WDR11: variants seen among roughly 807,000 people sequenced by gnomAD.
The protein encoded by WDR11 is WD repeat-containing protein 11.
Under a neutral mutation model 151.2 loss-of-function variants are expected in WDR11, and 83 were observed. The ratio of observed to expected loss-of-function variants is 0.55; its 90% CI spans 0.46 to 0.66. The LOEUF is 0.66. Ranked by LOEUF, WDR11 falls within the 30% of genes least tolerant of loss-of-function variation. The pLI is 0.00. For missense variants in WDR11, 1,301 were observed against 1,480.9 expected (o/e 0.88, Z 1.99); for synonymous variants, 484 against 533.1 (o/e 0.91, Z 1.27).
chr10:120,874,190 T>TGTTGTTGTTG (rs1554854854), intron 11 of WDR11, among the ~76,000 whole-genome samples: 3 of 105,104 alleles, frequency 2.9e-5, no homozygotes, highest in Non-Finnish European at 5.8e-5. Flanking sequence ...TTTTTTTTTT[T>TGTTGTTGTTG]TTGTTGTTGT....
intron 2 of WDR11, among the ~76,000 whole-genome samples, chr10:120,855,671 T>C (rs1845921866): frequency 6.6e-6 from 1 of 152,182 alleles, no homozygotes; most frequent in Non-Finnish European, 1.5e-5. Context: ...ATATATGATG[T>C]GAAATAGGGA....
intron 11 of WDR11, among the ~76,000 whole-genome samples, 179 bp downstream of exon 11, chr10:120,874,102 G>A (rs1268392297): frequency 6.6e-6 from 1 of 151,450 alleles, no homozygotes; most frequent in Non-Finnish European, 1.5e-5. Flanking sequence ...ATTCTTTGCT[G>A]TGTAAAGAAC....
In WDR11 at chr10:120,878,432, G is replaced by GAACTTC. The variant is rs1164062173; in HGVS notation, c.1641_1646dup (p.Gln548_Leu549dup). 1 of 1,613,212 alleles carries GAACTTC rather than the reference G, an allele frequency of 6.2e-7. No homozygotes were observed. The highest frequency in any genetic ancestry group is 8.5e-7 in the Non-Finnish European group (1 of 1,179,524). ...AAACAATATGGGATTAGTGAGAAAT[G>GAACTTC]AACTTCAACTGGTTGATCTTCCAAC... On this transcript the variant is annotated inframe_insertion, in exon 12 of 29. Coordinates refer to ENST00000263461, the MANE Select transcript of WDR11 (RefSeq NM_018117.12).
chr10:120,905,826 C>G, intron 26 of WDR11, 50 bp from the exon 27 acceptor site: 1 of 1,613,938 alleles, frequency 6.2e-7, no homozygotes, highest in Non-Finnish European at 8.5e-7. Context: ...ATTATTTTTT[C>G]TTTATAGAGT....
At chr10:120,886,206 C>T (rs1381395456) in intron 15 of WDR11, among the ~76,000 whole-genome samples, 1 of 152,056 alleles carries the variant, frequency 6.6e-6, no homozygotes, top group Admixed American at 6.6e-5. Context: ...TTCCGAGTGC[C>T]CTTCTACTCC....
At chr10:120,861,991 T>G (rs537149144) in intron 4 of WDR11, among the ~76,000 whole-genome samples, 1 of 152,312 alleles carries the variant, frequency 6.6e-6, no homozygotes, top group Admixed American at 6.5e-5. Context: ...ATATTTAGAC[T>G]GAGTAGCTCA....
intron 3 of WDR11, 43 bp downstream of exon 3, chr10:120,858,839 TAC>T (rs1846035411): frequency 6.2e-7 from 1 of 1,612,810 alleles, no homozygotes; most frequent in South Asian, 1.1e-5. Context: ...TTGATACACT[TAC>T]TCTTGGAGTG....
At chr10:120,889,605 C>G in intron 17 of WDR11, 1 of 456,138 alleles carries the variant, frequency 2.2e-6, no homozygotes, top group South Asian at 2.2e-5. Flanking sequence ...TCAGTAAACT[C>G]GTGGAGGTGT....
intron 27 of WDR11, 188 bp downstream of exon 27, chr10:120,906,209 G>A: frequency 6.8e-7 from 1 of 1,473,862 alleles, no homozygotes; most frequent in Non-Finnish European, 8.9e-7. Context: ...TTCGGTCTAG[G>A]AGCTATGCTA....
intron 1 of WDR11, chr10:120,852,270 T>G: frequency 2.3e-6 from 1 of 437,732 alleles, no homozygotes; most frequent in Non-Finnish European, 4.2e-6. Context: ...AGTTCCTTTT[T>G]ATGTCCTCGG....
At chr10:120,908,257 C>T in intron 28 of WDR11, 1 of 266,870 alleles carries the variant, frequency 3.7e-6, no homozygotes, top group Non-Finnish European at 6.9e-6. Context: ...ATCTTCCAAT[C>T]TTCAGTTGAG....
rs142668800 is a variant in WDR11 at position 120,861,181 on chromosome 10, G to A, written c.526+899G>A. 5.3e-5 allele frequency among the ~76,000 whole-genome samples: 8 copies of A among 152,244 alleles called. No homozygotes were observed. In the East Asian group the frequency reaches 1.2e-3, roughly 22 times the overall value. On this transcript the variant is annotated intron_variant, in intron 4 of 28. Coordinates refer to ENST00000263461, the MANE Select transcript of WDR11 (RefSeq NM_018117.12). ...AGCTATGGTAAGGAATGTTTTTCCT[G>A]GATTTGAATGACTCAAAATTGTTTT...
chr10:120,880,719 C>A, intron 12 of WDR11, 107 bp from the exon 13 acceptor site: 2 of 956,636 alleles, frequency 2.1e-6, no homozygotes, highest in East Asian at 2.7e-5. Context: ...AATAGGAGAA[C>A]AGAGGGTAGG....
chr10:120,886,624 T>C, intron 15 of WDR11, 65 bp from the exon 16 acceptor site: 1 of 1,583,302 alleles, frequency 6.3e-7, no homozygotes, highest in Non-Finnish European at 8.6e-7. Flanking sequence ...GGCAAGTTAA[T>C]TAATTATGAG....
chr10:120,892,073 T>C (rs1028216522), intron 19 of WDR11, among the ~76,000 whole-genome samples: 4 of 152,248 alleles, frequency 2.6e-5, no homozygotes, highest in Non-Finnish European at 5.9e-5. Flanking sequence ...TTACTAATTC[T>C]AGATAAAGAA....
At chr10:120,874,047 T>C in intron 11 of WDR11, 124 bp downstream of exon 11, 1 of 692,632 alleles carries the variant, frequency 1.4e-6, no homozygotes, top group Non-Finnish European at 2.6e-6. Flanking sequence ...GTTTGAATAA[T>C]ATTCATGTCC....
intron 19 of WDR11, among the ~76,000 whole-genome samples, chr10:120,892,428 C>A (rs1010599936): frequency 1.3e-5 from 2 of 152,102 alleles, no homozygotes; most frequent in Non-Finnish European, 2.9e-5. Flanking sequence ...TTCAGAACAA[C>A]CCTTAATAAA....
In WDR11 at chr10:120,886,051, A is replaced by G. The variant is rs940299761; in HGVS notation, c.1973+113A>G. ...GTAGCAAGTTGGACTCTGCTTTTGA[A>G]CATACTTAGTTTCATCTTTCAGTAC... On this transcript the variant is annotated intron_variant, in intron 15 of 28. Coordinates refer to ENST00000263461, the MANE Select transcript of WDR11 (RefSeq NM_018117.12). The G allele has an allele frequency of 1.1e-4, 154 of 1,388,494 alleles. 1 individual carries two copies. The highest frequency in any genetic ancestry group is 1.3e-4 in the Admixed American group (7 of 53,302). 86.0% of individuals were successfully genotyped at this position (1,388,494 alleles called of 1,614,324 possible). A position where few individuals can be genotyped will look rare whatever the true frequency, so the allele number is the denominator to read the frequency against.
Position 120,909,233 on chromosome 10 carries a change from A to C in WDR11, c.*520A>C. On this transcript the variant is annotated 3_prime_UTR_variant, in exon 29 of 29. Coordinates refer to ENST00000263461, the MANE Select transcript of WDR11 (RefSeq NM_018117.12). ...TGTTTTCTTACCTTGAAAACACAGA[A>C]CCGTTAATTCCTTGGTTTAAGCAGT... 1 of 159,210 alleles carries C rather than the reference A, an allele frequency of 6.3e-6. No individual in the cohort carries two copies. Among genetic ancestry groups the C allele is most frequent in the Admixed American group, 6.0e-5 (1 of 16,692 alleles). The allele number at this position is 159,210 out of a possible 1,614,324, so 9.9% of individuals were successfully genotyped here.
Sources: gnomAD v4.1 joint callset for allele counts (sites outside exome capture counted in the v4.1 genomes callset) on GRCh38, gnomAD v4.1.1 for gene constraint, MANE v1.5 for transcripts, NCBI Gene and HGNC (gene_info 2026-07-23, HGNC 2026-07-21) for gene names.